GABRG2: variants seen among roughly 807,000 people sequenced by gnomAD.
GABRG2 encodes the protein gamma-aminobutyric acid receptor subunit gamma-2.
GABRG2 carries 16 observed loss-of-function variants against 56.4 expected under a neutral mutation model. That is an observed-to-expected ratio of 0.28 (90% CI 0.19 to 0.43). The LOEUF (loss-of-function observed/expected upper bound fraction) is 0.43. Ranked by LOEUF, GABRG2 falls within the 20% of genes least tolerant of loss-of-function variation. GABRG2 has a pLI of 1.00. For missense variants in GABRG2, 327 were observed against 582.7 expected (o/e 0.56, Z 4.52); for synonymous variants, 208 against 205.5 (o/e 1.01, Z -0.10).
At chr5:162,109,596 GGC>G (rs1461001835) in intron 6 of GABRG2, among the ~76,000 whole-genome samples, 27 of 151,258 alleles carry the variant, frequency 1.8e-4, no homozygotes, top group African/African-American at 6.1e-4. Context: ...TTAACCTGGT[GGC>G]TGACTTAAAG....
Position 162,154,152 on chromosome 5 carries a change from T to C in GABRG2, c.*784T>C, listed in dbSNP as rs1014409691. ...CCTTGTATGACATATTACAACACTT[T>C]AAGTAAAATATAGACTGGATAATCA... On this transcript the variant is annotated 3_prime_UTR_variant, in exon 10 of 10. Transcript: ENST00000639213. The C allele has an allele frequency of 2.6e-5, 4 of 152,216 alleles. No homozygotes were observed. The highest frequency in any genetic ancestry group is 9.6e-5 in the African/African-American group (4 of 41,458). 9.4% of individuals were successfully genotyped at this position (152,216 alleles called of 1,614,324 possible).
chr5:162,140,696 A>C (rs1054876160), intron 6 of GABRG2, among the ~76,000 whole-genome samples: 1 of 152,240 alleles, frequency 6.6e-6, no homozygotes, highest in Admixed American at 6.5e-5. Flanking sequence ...TTGAAAAGCT[A>C]TCTCATTTAT....
At chr5:162,111,445 G>A (rs903267776) in intron 6 of GABRG2, among the ~76,000 whole-genome samples, 3 of 152,094 alleles carry the variant, frequency 2.0e-5, no homozygotes, top group African/African-American at 4.8e-5. Context: ...GCATAGAGAA[G>A]TTCTGTGAAA....
At chr5:162,126,812 G>A (rs1367819074) in intron 6 of GABRG2, among the ~76,000 whole-genome samples, 2 of 151,894 alleles carry the variant, frequency 1.3e-5, no homozygotes, top group Non-Finnish European at 2.9e-5. Context: ...ACTCCTGTAT[G>A]TCCTTGAAGT....
intron 6 of GABRG2, among the ~76,000 whole-genome samples, chr5:162,104,523 A>G (rs915761386): frequency 2.0e-5 from 3 of 152,184 alleles, no homozygotes; most frequent in African/African-American, 7.2e-5. Flanking sequence ...TTCCAATTGC[A>G]TCAGTTATAA....
intron 6 of GABRG2, among the ~76,000 whole-genome samples, chr5:162,135,831 C>G (rs892006672): frequency 1.3e-5 from 2 of 151,908 alleles, no homozygotes; most frequent in African/African-American, 4.8e-5. Context: ...ACAAGAACCC[C>G]AATCAGTGAA....
intron 8 of GABRG2, chr5:162,149,829 G>T: frequency 2.9e-6 from 1 of 345,664 alleles, no homozygotes; most frequent in South Asian, 2.3e-5. Context: ...GGTCAGGCTG[G>T]TCTCGAACTC....
chr5:162,126,696 A>C (rs1218953362), intron 6 of GABRG2, among the ~76,000 whole-genome samples: 1 of 151,872 alleles, frequency 6.6e-6, no homozygotes, highest in Non-Finnish European at 1.5e-5. Context: ...GGCAGTCAAC[A>C]TTATAGCCAC....
intron 6 of GABRG2, among the ~76,000 whole-genome samples, chr5:162,116,046 A>G (rs1483730443): frequency 6.6e-6 from 1 of 151,568 alleles, no homozygotes; most frequent in African/African-American, 2.4e-5. Context: ...CTGAATAGAC[A>G]CTCATCTTTC....
chr5:162,095,880 A>G (rs1760962434), intron 3 of GABRG2, among the ~76,000 whole-genome samples: 1 of 152,070 alleles, frequency 6.6e-6, no homozygotes, highest in African/African-American at 2.4e-5. Context: ...ACTTATTAGA[A>G]CATTGATAGT....
At chr5:162,093,515 GT>G (rs1317676368) in intron 1 of GABRG2, among the ~76,000 whole-genome samples, 2 of 152,124 alleles carry the variant, frequency 1.3e-5, no homozygotes. Context: ...CACACAAATA[GT>G]TTTCTTATAA....
intron 1 of GABRG2, among the ~76,000 whole-genome samples, chr5:162,090,250 A>G (rs1279350175): frequency 6.6e-6 from 1 of 152,054 alleles, no homozygotes; most frequent in African/African-American, 2.4e-5. Flanking sequence ...ATCCCAACAC[A>G]TACACATACA....
intron 6 of GABRG2, among the ~76,000 whole-genome samples, chr5:162,120,695 G>C (rs576855754): frequency 6.6e-6 from 1 of 151,998 alleles, no homozygotes; most frequent in Non-Finnish European, 1.5e-5. Context: ...GAAAATAAGT[G>C]TTCAATTTCT....
chr5:162,134,668 C>G (rs1763990668), intron 6 of GABRG2, among the ~76,000 whole-genome samples: 1 of 152,180 alleles, frequency 6.6e-6, no homozygotes, highest in South Asian at 2.1e-4. Context: ...CCCTGCCACC[C>G]TATCACCTTT....
At chr5:162,142,477 T>C (rs1358451887) in intron 7 of GABRG2, 161 bp downstream of exon 7, 9 of 761,188 alleles carry the variant, frequency 1.2e-5, no homozygotes, top group Non-Finnish European at 1.7e-5. Context: ...TAATTCACAA[T>C]AGCAAAGACT....
At chr5:162,103,854 T>G (rs1271055008) in intron 5 of GABRG2, 35 bp from the exon 6 acceptor site, 1 of 1,612,608 alleles carries the variant, frequency 6.2e-7, no homozygotes, top group East Asian at 2.2e-5. Flanking sequence ...TAATTTATAA[T>G]CATTTTTAAT....
chr5:162,125,970 A>T (rs1243908747), intron 6 of GABRG2, among the ~76,000 whole-genome samples: 3 of 151,994 alleles, frequency 2.0e-5, no homozygotes, highest in Non-Finnish European at 4.4e-5. Flanking sequence ...TTATTAATTT[A>T]AAAATAGTAA....
rs75844778 is a variant in GABRG2, at chr5:162,143,323, T to A, written c.922+1007T>A. Among the ~76,000 whole-genome samples the A allele has an allele frequency of 6.3e-3, 962 of 152,270 alleles. 10 individuals are homozygous for A. Among genetic ancestry groups the A allele is most frequent in the Non-Finnish European group, 0.011 (744 of 68,026 alleles). ...CTTTACAGAACAGCGATGGAAAAAA[T>A]TATTTTTGAGAAAACATATTTACCT... On this transcript the variant is annotated intron_variant, in intron 7 of 9. Transcript: ENST00000639213.
chr5:162,111,194 T>A (rs544853044), intron 6 of GABRG2, among the ~76,000 whole-genome samples: 1 of 152,188 alleles, frequency 6.6e-6, no homozygotes, highest in Non-Finnish European at 1.5e-5. Flanking sequence ...ACATACTGCT[T>A]GGGGTTTAGG....
Sources: allele counts gnomAD v4.1 joint callset (sites outside exome capture counted in the v4.1 genomes callset), GRCh38; gene constraint gnomAD v4.1.1; transcripts MANE v1.5; gene names NCBI Gene and HGNC (gene_info 2026-07-23, HGNC 2026-07-21).